SLFNL1: variants seen among roughly 807,000 people sequenced by gnomAD.
The protein encoded by SLFNL1 is schlafen like 1, also known as schlafen-like protein 1.
Under a neutral mutation model 32.5 loss-of-function variants are expected in SLFNL1, and 26 were observed. The observed-to-expected ratio is 0.80, with a 90% CI of 0.59 to 1.11. SLFNL1 has a LOEUF of 1.11. SLFNL1 is among the 50% of genes least tolerant of loss of function. The probability of loss-of-function intolerance (pLI) is 0.00; values close to 1 mark genes in which losing one functional copy is unlikely to be tolerated. For synonymous variants in SLFNL1, 255 were observed against 242.2 expected (o/e 1.05, Z -0.49); for missense variants, 553 against 546.5 (o/e 1.01, Z -0.12).
Position 41,017,720 on chromosome 1 carries a change from C to T in SLFNL1, c.872G>A (p.Gly291Asp). ...ATCGGGAAAGATCTGAGGCTTGAAG[C>T]CCTGCAGGATGGAGTCCACCAGCAG... ...ARLLVDSILQ[G>D]FKPQIFPDAY... The change falls in exon 4 of 6, where the codon GGC (glycine) becomes GAC (aspartate). Residue 291 changes from glycine (G) to aspartate (D), a missense_variant. By Grantham distance (94) the Gly-to-Asp change is moderately conservative. Coordinates refer to ENST00000302946, the MANE Select transcript of SLFNL1 (RefSeq NM_144990.4). The surrounding 1 kb of genome is among the most constrained non-coding windows in gnomAD (Gnocchi z 4.9). 1 of 1,600,156 alleles carries T rather than the reference C, an allele frequency of 6.2e-7. No individual in the cohort carries two copies. The highest frequency in any genetic ancestry group is 1.1e-5 in the South Asian group (1 of 89,366).
intron 5 of SLFNL1, chr1:41,016,441 C>T: frequency 1.5e-6 from 1 of 649,430 alleles, no homozygotes; most frequent in Non-Finnish European, 2.6e-6. Flanking sequence ...AGGGAGCCTC[C>T]TCCGTGCTGG....
At chr1:41,016,932 A>ACTC in intron 5 of SLFNL1, 1 of 236,324 alleles carries the variant, frequency 4.2e-6, no homozygotes, top group Non-Finnish European at 8.1e-6. Flanking sequence ...CTGGTCTCGA[A>ACTC]CTCCTGACCT....
intron 3 of SLFNL1, among the ~76,000 whole-genome samples, chr1:41,019,518 C>G (rs1247041533): frequency 1.3e-5 from 2 of 152,138 alleles, no homozygotes; most frequent in Non-Finnish European, 2.9e-5. Flanking sequence ...TTCCTTAGCA[C>G]CCCCTGCAGC....
At position 41,020,533 on chromosome 1, in the gene SLFNL1, G is replaced by T; in HGVS notation, c.128C>A (p.Ala43Asp). 1 of 1,613,548 alleles carries T rather than the reference G, an allele frequency of 6.2e-7. No individual in the cohort carries two copies. Among genetic ancestry groups the T allele is most frequent in the African/African-American group, 1.3e-5 (1 of 75,060 alleles). The change falls in exon 3 of 6, where the codon GCT becomes GAT. Residue 43 changes from alanine (A) to aspartate (D), a missense_variant. Ala to Asp is a moderately radical substitution (Grantham distance 126, BLOSUM62 -2). Coordinates refer to ENST00000302946, the MANE Select transcript of SLFNL1 (RefSeq NM_144990.4). ...SLTEYSDLEE[A>D]PSAHTLYVGH... ...CACATAGAGAGTGTGCGCCGAGGGA[G>T]CCTCCTCGAGGTCAGAGTACTCCGT...
At position 41,017,327 on chromosome 1, in the gene SLFNL1, G is replaced by C; in HGVS notation, c.1008C>G (p.Leu336=). The C allele has an allele frequency of 6.2e-7, 1 of 1,613,970 alleles. No homozygotes were observed. The highest frequency in any genetic ancestry group is 2.2e-5 in the East Asian group (1 of 44,880). ...ACACCTCCCCCTGGTCTGTCTGGTA[G>C]AGTTGCGGCTGGCTCTGGGCCTTGG... ...HTPKAQSQPQ[L]YQTDQGEVFL... The change falls in exon 5 of 6, where the codon CTC becomes CTG. Residue 336 remains leucine (L), a synonymous_variant. Transcript: ENST00000302946. The surrounding 1 kb of genome is among the most constrained non-coding windows in gnomAD (Gnocchi z 4.9).
chr1:41,020,451 G>C lies in SLFNL1; in HGVS notation c.210C>G (p.Thr70=). Residue 70 remains threonine, a synonymous_variant, in exon 3 of 6, where the codon ACC becomes ACG. Transcript: ENST00000302946. ...VPVLACLLRD[T]LERLEMPVAR... is the part of the protein sequence containing the mutation. ...CCACCGGCATCTCCAGCCGCTCCAG[G>C]GTGTCTCGCAGCAGGCAGGCAAGCA... 1 of 1,613,358 alleles carries C rather than the reference G, an allele frequency of 6.2e-7. No individual in the cohort carries two copies. Among genetic ancestry groups the C allele is most frequent in the Non-Finnish European group, 8.5e-7 (1 of 1,180,024 alleles).
In SLFNL1 at chr1:41,020,511, A is replaced by C. The variant is rs758963656; in HGVS notation, c.150T>G (p.Tyr50Ter). The C allele has an allele frequency of 1.2e-6, 2 of 1,613,356 alleles. No individual in the cohort carries two copies. The highest frequency in any genetic ancestry group is 1.7e-6 in the Non-Finnish European group (2 of 1,180,038). ...LEEAPSAHTL[Y>*]VGHLNPQFSV... ...AGAACTGGGGGTTCAGATGGCCCAC[A>C]TAGAGAGTGTGCGCCGAGGGAGCCT... Residue 50 changes from tyrosine (Y) to a stop codon, truncating the protein, a stop_gained, in exon 3 of 6, where the codon TAT becomes TAG. Coordinates refer to ENST00000302946, the MANE Select transcript of SLFNL1 (RefSeq NM_144990.4). LOFTEE classifies it high-confidence loss of function.
At chr1:41,020,047 G>A (rs371530725) in intron 3 of SLFNL1, among the ~76,000 whole-genome samples, 179 bp downstream of exon 3, 30 of 152,346 alleles carry the variant, frequency 2.0e-4, no homozygotes, top group African/African-American at 5.8e-4. Context: ...GTTTTTCCCA[G>A]AGAAAGCTGG....
In SLFNL1 at chr1:41,020,513, A is replaced by G; in HGVS notation, c.148T>C (p.Tyr50His). The G allele has an allele frequency of 6.2e-7, 1 of 1,613,182 alleles. No homozygotes were observed. Among genetic ancestry groups the G allele is most frequent in the South Asian group, 1.1e-5 (1 of 91,056 alleles). The change falls in exon 3 of 6, where the codon TAT becomes CAT. Residue 50 changes from tyrosine (Y) to histidine (H), a missense_variant. Tyr to His is a moderately conservative substitution (Grantham distance 83). Coordinates refer to ENST00000302946, the MANE Select transcript of SLFNL1 (RefSeq NM_144990.4). ...AACTGGGGGTTCAGATGGCCCACATAGAGAGTGTGCGCCGAGGGAGCCTCC... is the reference window on the plus strand; with the variant it reads ...AACTGGGGGTTCAGATGGCCCACATGGAGAGTGTGCGCCGAGGGAGCCTCC... ...LEEAPSAHTL[Y>H]VGHLNPQFSV...
rs758505453 is a variant in SLFNL1, at chr1:41,016,270, T to G, written c.1102-42A>C. 40 of 1,604,658 alleles carry G rather than the reference T, an allele frequency of 2.5e-5. 1 individual carries two copies. The South Asian group carries it at 4.2e-4, about 17-fold the overall frequency. On this transcript the variant is annotated intron_variant, in intron 5 of 5. Coordinates refer to ENST00000302946, the MANE Select transcript of SLFNL1 (RefSeq NM_144990.4). Reference sequence around the variant, plus strand: ...AAAGCATGTGGCCAAGCCCGCCTGGTCTCGGGCCTGTCCGTCCTCCACCTG... The same window carrying G: ...AAAGCATGTGGCCAAGCCCGCCTGGGCTCGGGCCTGTCCGTCCTCCACCTG...
rs1643773447 is a variant in SLFNL1, at chr1:41,020,759, C to T, written c.-99G>A. On this transcript the variant is annotated 5_prime_UTR_variant, in exon 3 of 6. Transcript: ENST00000302946. ...GTGTGGCTTAAGGGCTCCCAGAGGACTCAGGGAGTGTCCCGGCTCCTGGGA... is the reference window on the plus strand; with the variant it reads ...GTGTGGCTTAAGGGCTCCCAGAGGATTCAGGGAGTGTCCCGGCTCCTGGGA... 1 of 1,128,068 alleles carries T rather than the reference C, an allele frequency of 8.9e-7. No individual in the cohort carries two copies. Among genetic ancestry groups the T allele is most frequent in the East Asian group, 2.5e-5 (1 of 40,040 alleles). 69.9% of individuals were successfully genotyped at this position (1,128,068 alleles called of 1,614,324 possible).
Position 41,016,929 on chromosome 1 carries a change from C to T in SLFNL1, c.1101+305G>A, listed in dbSNP as rs182364075. On this transcript the variant is annotated intron_variant, in intron 5 of 5. Coordinates refer to ENST00000302946, the MANE Select transcript of SLFNL1 (RefSeq NM_144990.4). ...TTCACCATGTTGGCCAGGCTGGTCTCGAACTCCTGACCTTGTGATCTGTTC... is the reference window on the plus strand; with the variant it reads ...TTCACCATGTTGGCCAGGCTGGTCTTGAACTCCTGACCTTGTGATCTGTTC... 7.8e-4 allele frequency: 177 copies of T among 227,392 alleles called. 2 individuals are homozygous for T. The East Asian group carries it at 0.015, about 19-fold the overall frequency. 14.1% of individuals were successfully genotyped at this position (227,392 alleles called of 1,614,324 possible).
In SLFNL1 at chr1:41,015,751, C is replaced by G. The variant is rs41312026; in HGVS notation, c.*355G>C. On this transcript the variant is annotated 3_prime_UTR_variant, in exon 6 of 6. Coordinates refer to ENST00000302946, the MANE Select transcript of SLFNL1 (RefSeq NM_144990.4). ...CTTTCCTGAGATGACAGATTCCTTT[C>G]TGGCACTGTGTAGCCAACTGGAGTC... 1,168 of 175,634 alleles carry G rather than the reference C, an allele frequency of 6.7e-3. 7 individuals carry two copies. Among genetic ancestry groups the G allele is most frequent in the Non-Finnish European group, 0.01 (872 of 84,094 alleles). 10.9% of individuals were successfully genotyped at this position (175,634 alleles called of 1,614,324 possible).
rs1260513962 is a variant in SLFNL1, at chr1:41,015,993, G to A, written c.*113C>T. 3 of 1,411,852 alleles carry A rather than the reference G, an allele frequency of 2.1e-6. No individual in the cohort carries two copies. The highest frequency in any genetic ancestry group is 2.9e-5 in the African/African-American group (2 of 68,972). The allele number at this position is 1,411,852 out of a possible 1,614,324, so 87.5% of individuals were successfully genotyped here. A position where few individuals can be genotyped will look rare whatever the true frequency, so the allele number is the denominator to read the frequency against. The stretch of plus-strand genomic sequence containing the variant: ...CATGTGCCATGTTGAAGGAGTCCCT[G>A]TCCGCCTCTCAGCAGCCCGCATGGG... On this transcript the variant is annotated 3_prime_UTR_variant, in exon 6 of 6. Coordinates refer to ENST00000302946, the MANE Select transcript of SLFNL1 (RefSeq NM_144990.4).
chr1:41,019,445 A>C (rs1402960976), intron 3 of SLFNL1, among the ~76,000 whole-genome samples: 2 of 152,126 alleles, frequency 1.3e-5, no homozygotes, highest in African/African-American at 4.8e-5. Context: ...CCAGCAGTTC[A>C]GCCTTGCCTT....
intron 3 of SLFNL1, among the ~76,000 whole-genome samples, chr1:41,019,570 T>C (rs919557157): frequency 2.6e-5 from 4 of 152,202 alleles, no homozygotes; most frequent in African/African-American, 7.2e-5. Flanking sequence ...TTTGCCCTTC[T>C]GCAGACATGA....
At position 41,017,063 on chromosome 1, in the gene SLFNL1, C is replaced by T; in HGVS notation, c.1101+171G>A. ...GGGCCTCTTCCTTCCCACCAGCCAC[C>T]TACCCGCGGAGTATGGGATGTGGTG... On this transcript the variant is annotated intron_variant, in intron 5 of 5. Coordinates refer to ENST00000302946, the MANE Select transcript of SLFNL1 (RefSeq NM_144990.4). The surrounding 1 kb of genome is among the most constrained non-coding windows in gnomAD (Gnocchi z 4.9). 2 of 765,600 alleles carry T rather than the reference C, an allele frequency of 2.6e-6. No individual in the cohort carries two copies. The highest frequency in any genetic ancestry group is 3.0e-5 in the East Asian group (1 of 33,874). The allele number at this position is 765,600 out of a possible 1,614,324, so 47.4% of individuals were successfully genotyped here.
Position 41,020,417 on chromosome 1 carries a change from G to A in SLFNL1, c.244C>T (p.His82Tyr). The A allele has an allele frequency of 6.2e-7, 1 of 1,612,966 alleles. No homozygotes were observed. Among genetic ancestry groups the A allele is most frequent in the Non-Finnish European group, 8.5e-7 (1 of 1,180,012 alleles). Residue 82 changes from histidine (H) to tyrosine (Y), a missense_variant, in exon 3 of 6, where the codon CAC becomes TAC. Physicochemically the swap from His to Tyr is moderately conservative, Grantham distance 83. Transcript: ENST00000302946. ...CGCGGCCGCCTCACCACTTCAATGT[G>A]CTCCCGCGCCACCGGCATCTCCAGC... Reference protein sequence around the residue: ...ERLEMPVAREHIEVVRRPRKA... With the variant: ...ERLEMPVAREYIEVVRRPRKA...
At chr1:41,018,344 T>C in intron 3 of SLFNL1, 188 bp from the exon 4 acceptor site, 1 of 546,252 alleles carries the variant, frequency 1.8e-6, no homozygotes, top group Non-Finnish European at 3.1e-6. Context: ...CAGGAAACCC[T>C]GCTGGATCGA....
Sources: allele counts gnomAD v4.1 joint callset (sites outside exome capture counted in the v4.1 genomes callset), GRCh38; gene constraint gnomAD v4.1.1; non-coding constraint Gnocchi (gnomAD v3.1); transcripts MANE v1.5; gene names NCBI Gene and HGNC (gene_info 2026-07-23, HGNC 2026-07-21).